XIRP2: variants seen among roughly 807,000 people sequenced by gnomAD.
The protein encoded by XIRP2 is xin actin-binding repeat-containing protein 2.
A neutral mutation model predicts 277.0 loss-of-function variants in XIRP2; 236 were observed. That is an observed-to-expected ratio of 0.85 (90% CI 0.77 to 0.95). The LOEUF is 0.95. Among genes scored for constraint, XIRP2 ranks in the 40% least tolerant of loss-of-function variants. The pLI is 0.00. For synonymous variants in XIRP2, 1,490 were observed against 1,416.5 expected (o/e 1.05, Z -1.17); for missense variants, 4,640 against 4,157.5 (o/e 1.12, Z -3.19).
At chr2:167,049,940 A>T (rs909679442) in intron 2 of XIRP2, among the ~76,000 whole-genome samples, 1 of 152,068 alleles carries the variant, frequency 6.6e-6, no homozygotes, top group Admixed American at 6.6e-5. Flanking sequence ...CAAGATAAAG[A>T]ATTTAAGATA....
intron 2 of XIRP2, among the ~76,000 whole-genome samples, chr2:167,105,755 T>C (rs1472311407): frequency 1.3e-5 from 2 of 151,880 alleles, no homozygotes; most frequent in Non-Finnish European, 2.9e-5. Context: ...CCAGAGTACA[T>C]GTACCATTTT....
intron 2 of XIRP2, among the ~76,000 whole-genome samples, chr2:167,021,773 C>T (rs1053349337): frequency 2.0e-5 from 3 of 152,034 alleles, no homozygotes; most frequent in African/African-American, 2.4e-5. Context: ...TGTGGTGAGC[C>T]GTGACTGTGT....
chr2:167,209,877 T>G (rs1362728476), intron 3 of XIRP2, among the ~76,000 whole-genome samples: 1 of 152,170 alleles, frequency 6.6e-6, no homozygotes, highest in African/African-American at 2.4e-5. Flanking sequence ...CGTTTTCTTC[T>G]GCCTAAAAGG....
rs571624602 is a variant in XIRP2, at chr2:167,087,925, G to C, written c.409-47984G>C. Among the ~76,000 whole-genome samples, 315 of 152,272 alleles carry C rather than the reference G, an allele frequency of 2.1e-3. 1 individual carries two copies. The highest frequency in any genetic ancestry group is 6.7e-3 in the African/African-American group (278 of 41,542). On this transcript the variant is annotated intron_variant, in intron 2 of 10. Coordinates refer to ENST00000409195, the MANE Select transcript of XIRP2 (RefSeq NM_152381.6). The stretch of plus-strand genomic sequence containing the variant: ...TTCTGCGTCGCTCACGCTGGGAGCT[G>C]TAGACCAGAGCTGTTCCTATTCGGC...
Position 167,244,070 on chromosome 2 carries a change from T to A in XIRP2, c.2678T>A (p.Ile893Lys). ...GAAGCATTAAAAGACAGTCCTGATA[T>A]AGGAAAGCTTCAAAAAATCACTGCC... ...PIEALKDSPD[I>K]GKLQKITASE... is the part of the protein sequence containing the mutation. Residue 893 changes from isoleucine to lysine, a missense_variant, in exon 9 of 11, where the codon ATA (isoleucine) becomes AAA (lysine). Physicochemically the swap from Ile to Lys is moderately radical, Grantham distance 102. Coordinates refer to ENST00000409195, the MANE Select transcript of XIRP2 (RefSeq NM_152381.6). The A allele has an allele frequency of 6.2e-7, 1 of 1,613,776 alleles. No individual in the cohort carries two copies. The highest frequency in any genetic ancestry group is 8.5e-7 in the Non-Finnish European group (1 of 1,179,874).
At chr2:167,062,922 C>T (rs1437581280) in intron 2 of XIRP2, among the ~76,000 whole-genome samples, 3 of 151,318 alleles carry the variant, frequency 2.0e-5, no homozygotes, top group African/African-American at 4.9e-5. Flanking sequence ...TTTTTCCTAT[C>T]GTATTTTCTT....
At position 167,245,429 on chromosome 2, in the gene XIRP2, A is replaced by C. The variant is rs538227582; in HGVS notation, c.4037A>C (p.Asp1346Ala). Residue 1346 changes from aspartate to alanine, a missense_variant, in exon 9 of 11, where the codon GAT (aspartate) becomes GCT (alanine). Asp to Ala is a moderately radical substitution (Grantham distance 126). Coordinates refer to ENST00000409195, the MANE Select transcript of XIRP2 (RefSeq NM_152381.6). Reference sequence around the variant, plus strand: ...AAAAAAGAAGAGGTAATTCATGGAGATGTGCGAGGAACAAGGTGGCTTTTT... The same window carrying C: ...AAAAAAGAAGAGGTAATTCATGGAGCTGTGCGAGGAACAAGGTGGCTTTTT... ...TVKKEEVIHG[D>A]VRGTRWLFET... The C allele has an allele frequency of 1.7e-5, 28 of 1,613,736 alleles. No individual in the cohort carries two copies. The East Asian group carries it at 5.4e-4, about 31-fold the overall frequency.
At chr2:167,201,184 GAGAGAGAAAGAAAGAA>G (rs1223916475) in intron 3 of XIRP2, among the ~76,000 whole-genome samples, 5 of 124,418 alleles carry the variant, frequency 4.0e-5, no homozygotes, top group East Asian at 2.5e-4. Flanking sequence ...AAGAAAGAGA[GAGAGAGAAAGAAAGAA>G]AGAAAGAAAG....
rs141199394 is a variant in XIRP2, at chr2:167,203,435, G to A, written c.563-7300G>A. 3.3e-3 allele frequency among the ~76,000 whole-genome samples: 505 copies of A among 152,280 alleles called. 5 individuals are homozygous for A. Among genetic ancestry groups the A allele is most frequent in the South Asian group, 6.4e-3 (31 of 4,824 alleles). On this transcript the variant is annotated intron_variant, in intron 3 of 10. Coordinates refer to ENST00000409195, the MANE Select transcript of XIRP2 (RefSeq NM_152381.6). ...GGATGGATTTTTGGGAAGGTAACAA[G>A]TACACATACAATAACACAATGCATT...
intron 2 of XIRP2, among the ~76,000 whole-genome samples, chr2:167,055,248 A>C (rs1392205700): frequency 6.6e-6 from 1 of 152,186 alleles, no homozygotes; most frequent in African/African-American, 2.4e-5. Flanking sequence ...CTCAAATGAG[A>C]ACTGAGGGGA....
intron 2 of XIRP2, among the ~76,000 whole-genome samples, chr2:166,923,759 C>T (rs1685116876): frequency 6.6e-6 from 1 of 152,178 alleles, no homozygotes; most frequent in South Asian, 2.1e-4. Context: ...CTCTCTTTCA[C>T]TGAAGGTTAA....
At chr2:167,252,071 A>G (rs1695527733) in intron 9 of XIRP2, 124 bp downstream of exon 9, 2 of 1,405,598 alleles carry the variant, frequency 1.4e-6, no homozygotes, top group Admixed American at 2.7e-5. Context: ...TAAAACTAAC[A>G]GCTTCCCATG....
chr2:166,964,355 G>A (rs1383184206), intron 2 of XIRP2, among the ~76,000 whole-genome samples: 3 of 151,708 alleles, frequency 2.0e-5, no homozygotes, highest in Non-Finnish European at 2.9e-5. Context: ...AAAGGTAAGA[G>A]GTTGAAAATC....
Position 167,203,264 on chromosome 2 carries a change from T to G in XIRP2, c.563-7471T>G, listed in dbSNP as rs574692240. On this transcript the variant is annotated intron_variant, in intron 3 of 10. Transcript: ENST00000409195. ...TTGTCTTCTTCCTCTAACAGGCAAC[T>G]GGATTTAAAGAATCTCTTCCAGTAT... Among the ~76,000 whole-genome samples the G allele has an allele frequency of 2.6e-5, 4 of 152,342 alleles. No homozygotes were observed. In the East Asian group the frequency reaches 7.7e-4, roughly 29 times the overall value.
intron 2 of XIRP2, among the ~76,000 whole-genome samples, chr2:167,074,846 A>G (rs1010188793): frequency 3.3e-5 from 5 of 152,122 alleles, no homozygotes; most frequent in African/African-American, 1.2e-4. Context: ...GCTGGTCTCA[A>G]ACTCCTGAGC....
At chr2:167,167,293 T>C (rs1344814039) in intron 3 of XIRP2, among the ~76,000 whole-genome samples, 1 of 152,152 alleles carries the variant, frequency 6.6e-6, no homozygotes, top group Non-Finnish European at 1.5e-5. Context: ...TCTGACGATC[T>C]CTGTATTTAA....
intron 2 of XIRP2, among the ~76,000 whole-genome samples, chr2:167,051,936 A>G (rs1688923894): frequency 6.6e-6 from 1 of 152,028 alleles, no homozygotes; most frequent in Non-Finnish European, 1.5e-5. Flanking sequence ...TTCCTATAGC[A>G]CCTTCTTACT....
chr2:166,896,900 C>T (rs1202370256), intron 1 of XIRP2, among the ~76,000 whole-genome samples: 4 of 152,096 alleles, frequency 2.6e-5, no homozygotes, highest in African/African-American at 9.7e-5. Flanking sequence ...TTTAGATACA[C>T]AAATACTTAC....
intron 3 of XIRP2, among the ~76,000 whole-genome samples, chr2:167,149,806 A>G (rs1574299044): frequency 6.6e-6 from 1 of 152,248 alleles, no homozygotes; most frequent in African/African-American, 2.4e-5. Context: ...TTCTGTTGCA[A>G]TAATATATTA....
Sources: allele counts gnomAD v4.1 joint callset (sites outside exome capture counted in the v4.1 genomes callset), GRCh38; gene constraint gnomAD v4.1.1; transcripts MANE v1.5; gene names NCBI Gene and HGNC (gene_info 2026-07-23, HGNC 2026-07-21).